PDE10A: variants seen among roughly 807,000 people sequenced by gnomAD.
PDE10A encodes phosphodiesterase 10A.
PDE10A carries 39 observed loss-of-function variants against 97.7 expected under a neutral mutation model. The observed-to-expected ratio is 0.40, with a 90% confidence interval of 0.31 to 0.52. The LOEUF (loss-of-function observed/expected upper bound fraction) is 0.52, where lower values mean the gene tolerates loss of function less well. PDE10A is among the 20% of genes least tolerant of loss of function. The pLI, the probability that PDE10A is intolerant of heterozygous loss-of-function variation, is 0.56. For synonymous variants in PDE10A, 371 were observed against 376.8 expected (o/e 0.98, Z 0.18); for missense variants, 731 against 1,047.8 (o/e 0.70, Z 4.17).
At chr6:165,900,736 C>T (rs1782080501) in intron 1 of PDE10A, among the ~76,000 whole-genome samples, 2 of 152,224 alleles carry the variant, frequency 1.3e-5, no homozygotes, top group Admixed American at 1.3e-4. Flanking sequence ...TTACTTCCCC[C>T]TTCTAGGCTC....
intron 1 of PDE10A, among the ~76,000 whole-genome samples, chr6:165,855,507 C>G (rs1780706944): frequency 1.3e-5 from 2 of 151,568 alleles, no homozygotes; most frequent in African/African-American, 2.4e-5. Context: ...TGCTTGACAG[C>G]TGCACCCCCA....
chr6:165,370,353 A>G (rs1423568825), intron 18 of PDE10A, among the ~76,000 whole-genome samples: 4 of 148,092 alleles, frequency 2.7e-5, no homozygotes, highest in African/African-American at 1.0e-4. Context: ...GCAGAGACAC[A>G]CATAGGCTCA....
intron 1 of PDE10A, among the ~76,000 whole-genome samples, chr6:165,954,581 G>A (rs1215576582): frequency 6.6e-6 from 1 of 152,146 alleles, no homozygotes; most frequent in East Asian, 1.9e-4. Context: ...GCAGCTGCCA[G>A]CATTGTCATC....
chr6:165,566,689 T>A (rs1255361644), intron 1 of PDE10A, among the ~76,000 whole-genome samples: 1 of 152,152 alleles, frequency 6.6e-6, no homozygotes, highest in Admixed American at 6.5e-5. Flanking sequence ...AGTCATGAGT[T>A]GCTCTGTTCT....
chr6:165,517,979 G>A (rs1781913509), intron 2 of PDE10A, among the ~76,000 whole-genome samples: 1 of 152,122 alleles, frequency 6.6e-6, no homozygotes, highest in African/African-American at 2.4e-5. Context: ...TTTTAGGTAT[G>A]AGAAGCAAAC....
At chr6:165,546,093 G>A (rs1455446190) in intron 1 of PDE10A, among the ~76,000 whole-genome samples, 1 of 151,938 alleles carries the variant, frequency 6.6e-6, no homozygotes, top group African/African-American at 2.4e-5. Flanking sequence ...AAAGAAACGG[G>A]CTAACAAGCC....
intron 18 of PDE10A, among the ~76,000 whole-genome samples, chr6:165,378,511 G>A (rs1347711448): frequency 6.6e-6 from 1 of 152,152 alleles, no homozygotes; most frequent in Non-Finnish European, 1.5e-5. Context: ...CTAATATACA[G>A]ATGGGTGAAC....
intron 1 of PDE10A, among the ~76,000 whole-genome samples, chr6:165,943,855 C>T (rs1783667864): frequency 6.6e-6 from 1 of 152,218 alleles, no homozygotes; most frequent in South Asian, 2.1e-4. Context: ...TTATCCATCA[C>T]ATACTCCTAC....
chr6:165,953,531 C>A (rs2128495747), intron 1 of PDE10A, among the ~76,000 whole-genome samples: 1 of 151,770 alleles, frequency 6.6e-6, no homozygotes, highest in African/African-American at 2.4e-5. Flanking sequence ...GCGGAGGTTG[C>A]ACCAAGACGA....
rs866911647 is a variant in PDE10A at position 165,949,722 on chromosome 6, T to A, written c.-615+37807A>T. 4.6e-5 allele frequency: 7 copies of A among 152,210 alleles called. No homozygotes were observed. In the East Asian group the frequency reaches 1.3e-3, roughly 29 times the overall value. 9.4% of individuals were successfully genotyped at this position (152,210 alleles called of 1,614,324 possible). A position where few individuals can be genotyped will look rare whatever the true frequency, so the allele number is the denominator to read the frequency against. ...GAGCTGCAGGTTACATAATGAGGTG[T>A]CTGAAAAATGTTTAGGAGGAGGCAC... On this transcript the variant is annotated intron_variant, in intron 1 of 19. Transcript: ENST00000366882.
intron 1 of PDE10A, among the ~76,000 whole-genome samples, chr6:165,670,752 C>A (rs1402158713): frequency 6.6e-6 from 1 of 152,104 alleles, no homozygotes; most frequent in Admixed American, 6.5e-5. Flanking sequence ...AAGGGGTAAA[C>A]AGGGTTTAAG....
chr6:165,493,786 C>A (rs556546736), intron 2 of PDE10A, among the ~76,000 whole-genome samples: 1 of 151,966 alleles, frequency 6.6e-6, no homozygotes, highest in Admixed American at 6.6e-5. Context: ...TGACCAAGAA[C>A]CCAAAAGCAA....
At chr6:165,786,743 G>A (rs1045911335) in intron 1 of PDE10A, among the ~76,000 whole-genome samples, 1 of 152,142 alleles carries the variant, frequency 6.6e-6, no homozygotes, top group Non-Finnish European at 1.5e-5. Context: ...CTCTATTCCT[G>A]AAATGAGAAT....
At chr6:165,598,504 A>T (rs1037312778) in intron 1 of PDE10A, among the ~76,000 whole-genome samples, 12 of 152,194 alleles carry the variant, frequency 7.9e-5, no homozygotes, top group African/African-American at 2.9e-4. Context: ...CTTCCTTTAT[A>T]ATCAGGGTAC....
chr6:165,382,143 G>A (rs1784975810), intron 17 of PDE10A, among the ~76,000 whole-genome samples: 1 of 152,156 alleles, frequency 6.6e-6, no homozygotes, highest in Admixed American at 6.5e-5. Context: ...GGAGGCTCTG[G>A]TTGTATGTAA....
At chr6:165,848,331 G>A (rs990267358) in intron 1 of PDE10A, among the ~76,000 whole-genome samples, 5 of 152,190 alleles carry the variant, frequency 3.3e-5, no homozygotes, top group Non-Finnish European at 7.3e-5. Flanking sequence ...AGGGTAACTT[G>A]GAGGGTGGGC....
chr6:165,688,214 G>A lies in PDE10A; in HGVS notation c.-614-144646C>T, dbSNP rs1033354260. Among the ~76,000 whole-genome samples, 20 of 152,114 alleles carry A rather than the reference G, an allele frequency of 1.3e-4. 1 individual carries two copies. The highest frequency in any genetic ancestry group is 2.4e-4 in the Non-Finnish European group (16 of 68,036). On this transcript the variant is annotated intron_variant, in intron 1 of 19. Coordinates refer to the PDE10A transcript ENST00000366882. ...AGTTTAAAAAATCTAAAGAGAATTG[G>A]TTTACACGCCTTTGAGACCAAGTCA...
intron 1 of PDE10A, among the ~76,000 whole-genome samples, chr6:165,724,907 G>A (rs936404165): frequency 1.3e-5 from 2 of 152,214 alleles, no homozygotes; most frequent in African/African-American, 4.8e-5. Context: ...AGTCATAGTG[G>A]TGATATGGGA....
At chr6:165,606,284 C>T (rs1462197580) in intron 1 of PDE10A, among the ~76,000 whole-genome samples, 2 of 152,108 alleles carry the variant, frequency 1.3e-5, no homozygotes, top group Admixed American at 6.5e-5. Context: ...TGTGTCAGTC[C>T]GTCAGGGCTA....
Sources: gnomAD v4.1 joint callset for allele counts (sites outside exome capture counted in the v4.1 genomes callset) on GRCh38, gnomAD v4.1.1 for gene constraint, MANE v1.5 for transcripts, NCBI Gene and HGNC (gene_info 2026-07-23, HGNC 2026-07-21) for gene names.